Variants in CORO2A observed in about 807,000 individuals in gnomAD.
CORO2A encodes coronin 2A.
In CORO2A, 47 loss-of-function variants were observed where a neutral mutation model predicts 62.4. The observed-to-expected ratio is 0.75, with a 90% CI of 0.60 to 0.96. The LOEUF is 0.96. Ranked by LOEUF, CORO2A falls within the 40% of genes least tolerant of loss-of-function variation. CORO2A has a pLI of 0.00. For synonymous variants in CORO2A, 273 were observed against 268.9 expected, an observed-to-expected ratio of 1.02 and a Z score of -0.15; for missense variants, 610 against 684.1, an observed-to-expected ratio of 0.89 and a Z score of 1.21.
intron 3 of CORO2A, among the ~76,000 whole-genome samples, chr9:98,136,303 G>C (rs1249609569): frequency 6.6e-6 from 1 of 152,242 alleles, no homozygotes; most frequent in Non-Finnish European, 1.5e-5. Flanking sequence ...TGTCCCTTTG[G>C]TGAAATCACC....
At chr9:98,138,398 T>A in intron 2 of CORO2A, among the ~76,000 whole-genome samples, 1 of 144,170 alleles carries the variant, frequency 6.9e-6, no homozygotes. Context: ...GTGACAAGAG[T>A]GAAACTATGT....
intron 1 of CORO2A, among the ~76,000 whole-genome samples, chr9:98,178,574 A>T (rs1223307102): frequency 6.6e-6 from 1 of 152,202 alleles, no homozygotes; most frequent in Non-Finnish European, 1.5e-5. Context: ...AACAGACTAA[A>T]GAGTAAGGGA....
intron 1 of CORO2A, among the ~76,000 whole-genome samples, 172 bp from the exon 2 acceptor site, chr9:98,157,832 T>G (rs1452588988): frequency 1.3e-5 from 2 of 152,170 alleles, no homozygotes; most frequent in Non-Finnish European, 2.9e-5. Flanking sequence ...TAATTACAGT[T>G]ACTTCTGTAG....
intron 9 of CORO2A, 145 bp downstream of exon 9, chr9:98,128,462 C>A: frequency 2.5e-6 from 2 of 785,264 alleles, no homozygotes; most frequent in Admixed American, 4.5e-5. Flanking sequence ...CTGACGCCCA[C>A]TGATGTCACA....
At chr9:98,181,389 T>C (rs938732953) in intron 1 of CORO2A, among the ~76,000 whole-genome samples, 1 of 149,008 alleles carries the variant, frequency 6.7e-6, no homozygotes, top group African/African-American at 2.5e-5. Flanking sequence ...TTGTCCAGGC[T>C]GGTCTGGAAC....
intron 6 of CORO2A, among the ~76,000 whole-genome samples, chr9:98,131,612 C>A (rs1564200912): frequency 6.6e-6 from 1 of 152,068 alleles, no homozygotes; most frequent in Non-Finnish European, 1.5e-5. Flanking sequence ...TACCACCATA[C>A]CTGGCCATAA....
intron 1 of CORO2A, among the ~76,000 whole-genome samples, chr9:98,173,827 A>AC (rs1468077876): frequency 1.3e-5 from 2 of 152,226 alleles, no homozygotes; most frequent in Non-Finnish European, 2.9e-5. Context: ...AAGAGCGTGT[A>AC]GCCTTTGGTC....
chr9:98,128,364 T>C lies in CORO2A; in HGVS notation c.1081-104A>G, dbSNP rs902314976. On this transcript the variant is annotated intron_variant, in intron 9 of 11. Transcript: ENST00000375077. Reference sequence around the variant, plus strand: ...CAGGCTCTCACCAACCCCTGCTGAATTGAGGAAACTGAGGCCCAGAGAACA... The same window carrying C: ...CAGGCTCTCACCAACCCCTGCTGAACTGAGGAAACTGAGGCCCAGAGAACA... The C allele has an allele frequency of 1.4e-5, 13 of 955,448 alleles. No homozygotes were observed. In the East Asian group the frequency reaches 2.7e-4, roughly 19 times the overall value. 59.2% of individuals were successfully genotyped at this position (955,448 alleles called of 1,614,324 possible). A position where few individuals can be genotyped will look rare whatever the true frequency, so the allele number is the denominator to read the frequency against.
intron 2 of CORO2A, among the ~76,000 whole-genome samples, chr9:98,151,352 T>C (rs1428857594): frequency 6.6e-6 from 1 of 152,224 alleles, no homozygotes; most frequent in Non-Finnish European, 1.5e-5. Flanking sequence ...TTCCATCTAT[T>C]GAGGTCATCT....
At chr9:98,157,063 G>A (rs1827814575) in intron 2 of CORO2A, among the ~76,000 whole-genome samples, 1 of 152,180 alleles carries the variant, frequency 6.6e-6, no homozygotes. Context: ...CTTCCTGCTT[G>A]CTTACTGTTT....
intron 1 of CORO2A, among the ~76,000 whole-genome samples, chr9:98,164,296 G>A (rs1276813722): frequency 6.6e-6 from 1 of 152,174 alleles, no homozygotes; most frequent in African/African-American, 2.4e-5. Context: ...TCTCATCATG[G>A]GTGGGTCCCT....
intron 1 of CORO2A, among the ~76,000 whole-genome samples, chr9:98,163,124 CCT>C (rs1827907875): frequency 6.6e-6 from 1 of 152,248 alleles, no homozygotes; most frequent in Non-Finnish European, 1.5e-5. Flanking sequence ...GGCTCCGGGG[CCT>C]GTGAATTCCC....
intron 1 of CORO2A, among the ~76,000 whole-genome samples, chr9:98,176,199 C>T (rs1828107180): frequency 6.6e-6 from 1 of 152,162 alleles, no homozygotes; most frequent in Non-Finnish European, 1.5e-5. Context: ...GCAGAGAAAG[C>T]CTTGTGCCCC....
intron 1 of CORO2A, among the ~76,000 whole-genome samples, chr9:98,185,494 C>G (rs957035934): frequency 1.3e-5 from 2 of 152,244 alleles, no homozygotes; most frequent in Non-Finnish European, 2.9e-5. Flanking sequence ...TTCTTTTGCT[C>G]CACTGCATCC....
intron 2 of CORO2A, among the ~76,000 whole-genome samples, chr9:98,147,436 T>C (rs1235440150): frequency 6.6e-6 from 1 of 152,228 alleles, no homozygotes; most frequent in East Asian, 1.9e-4. Flanking sequence ...TTGATAATTC[T>C]AGAATCTGGG....
intron 1 of CORO2A, among the ~76,000 whole-genome samples, chr9:98,177,469 T>G (rs1238875594): frequency 2.9e-5 from 4 of 137,270 alleles, no homozygotes; most frequent in South Asian, 2.4e-4. Context: ...TTTTTTTTTT[T>G]TTTTTTTTTT....
chr9:98,169,383 G>T (rs1184708466), intron 1 of CORO2A, among the ~76,000 whole-genome samples: 1 of 152,038 alleles, frequency 6.6e-6, no homozygotes, highest in Non-Finnish European at 1.5e-5. Context: ...CCCTGGGCGG[G>T]CCACCTCCTC....
intron 1 of CORO2A, among the ~76,000 whole-genome samples, chr9:98,159,341 C>T (rs79166425): frequency 1.3e-5 from 2 of 152,182 alleles, no homozygotes; most frequent in South Asian, 2.1e-4. Context: ...AGCCACTGCC[C>T]CTGGCCTCAC....
chr9:98,162,754 G>A (rs1327912699), intron 1 of CORO2A, among the ~76,000 whole-genome samples: 4 of 152,212 alleles, frequency 2.6e-5, no homozygotes, highest in African/African-American at 7.2e-5. Context: ...TTTAACTGAG[G>A]CTGTGTATAT....
Sources: allele counts gnomAD v4.1 joint callset (sites outside exome capture counted in the v4.1 genomes callset), GRCh38; gene constraint gnomAD v4.1.1; transcripts MANE v1.5; gene names NCBI Gene and HGNC (gene_info 2026-07-23, HGNC 2026-07-21).